The following SMOC2 variants were observed in gnomAD, a reference collection of about 807,000 sequenced individuals.
SMOC2 encodes SPARC related modular calcium binding 2.
In SMOC2, 39 loss-of-function variants were observed where a neutral mutation model predicts 61.4. That is an observed-to-expected ratio of 0.64 (90% CI 0.49 to 0.83). The LOEUF (loss-of-function observed/expected upper bound fraction) is 0.83, where lower values mean the gene tolerates loss of function less well. Among genes scored for constraint, SMOC2 ranks in the 40% least tolerant of loss-of-function variants. The probability of loss-of-function intolerance (pLI) is 0.00; values close to 1 mark genes in which losing one functional copy is unlikely to be tolerated. For synonymous variants in SMOC2, 247 were observed against 239.9 expected (o/e 1.03, Z -0.27); for missense variants, 556 against 592.9 (o/e 0.94, Z 0.65).
chr6:168,472,308 CT>C (rs1480766139), intron 1 of SMOC2, among the ~76,000 whole-genome samples: 3 of 150,990 alleles, frequency 2.0e-5, no homozygotes, highest in African/African-American at 7.3e-5. Flanking sequence ...GAGACTGTCC[CT>C]TCCCCCAGTG....
In SMOC2 at chr6:168,632,943, G is replaced by C. The variant is rs113937992; in HGVS notation, c.908-17738G>C. On this transcript the variant is annotated intron_variant, in intron 9 of 12. Coordinates refer to ENST00000356284, the MANE Select transcript of SMOC2 (RefSeq NM_001166412.2). The stretch of plus-strand genomic sequence containing the variant: ...CCCACCCACCATTCCTCTCAGGTCT[G>C]CAGGTGCAGAGCGGCTTCCCCCTTC... 6.5e-3 allele frequency among the ~76,000 whole-genome samples: 997 copies of C among 152,312 alleles called. 13 individuals carry two copies. Among genetic ancestry groups the C allele is most frequent in the African/African-American group, 0.023 (945 of 41,566 alleles).
At chr6:168,635,995 T>C (rs1194612373) in intron 9 of SMOC2, among the ~76,000 whole-genome samples, 1 of 152,198 alleles carries the variant, frequency 6.6e-6, no homozygotes, top group Non-Finnish European at 1.5e-5. Flanking sequence ...AATTAATTTA[T>C]ATCCTCCTAA....
rs1035623168 is a variant in SMOC2, at chr6:168,475,354, C to T, written c.84+33900C>T. Among the ~76,000 whole-genome samples the T allele has an allele frequency of 2.0e-5, 3 of 152,110 alleles. No individual in the cohort carries two copies. The highest frequency in any genetic ancestry group is 4.4e-5 in the Non-Finnish European group (3 of 68,008). On this transcript the variant is annotated intron_variant, in intron 1 of 12. Coordinates refer to ENST00000356284, the MANE Select transcript of SMOC2 (RefSeq NM_001166412.2). The surrounding 1 kb of genome is among the most constrained non-coding windows in gnomAD (Gnocchi z 4.6). The stretch of plus-strand genomic sequence containing the variant: ...AGATTAAATTCACTCTCATTTATTC[C>T]TGAAGCATTTGGAGAGCAGGTGCCA...
intron 2 of SMOC2, among the ~76,000 whole-genome samples, chr6:168,515,200 A>G (rs1309578206): frequency 4.6e-5 from 7 of 152,232 alleles, no homozygotes; most frequent in Non-Finnish European, 8.8e-5. Context: ...AGGGAGAAGT[A>G]GGCAAAAATA....
intron 2 of SMOC2, among the ~76,000 whole-genome samples, chr6:168,517,124 G>A (rs920924581): frequency 2.6e-5 from 4 of 152,210 alleles, no homozygotes; most frequent in African/African-American, 7.2e-5. Context: ...GTGACAAGGC[G>A]TTTCGTGTCA....
At chr6:168,539,567 C>T (rs942461568) in intron 4 of SMOC2, among the ~76,000 whole-genome samples, 3 of 152,242 alleles carry the variant, frequency 2.0e-5, no homozygotes, top group African/African-American at 4.8e-5. Context: ...ACAGCGGGCT[C>T]AGGCCTTCCA....
At chr6:168,591,426 G>A (rs562675762) in intron 7 of SMOC2, among the ~76,000 whole-genome samples, 1 of 152,170 alleles carries the variant, frequency 6.6e-6, no homozygotes, top group Non-Finnish European at 1.5e-5. Context: ...TACAGAATTA[G>A]TACATTTCCT....
At chr6:168,555,037 G>A (rs1784214532) in intron 7 of SMOC2, among the ~76,000 whole-genome samples, 3 of 151,088 alleles carry the variant, frequency 2.0e-5, no homozygotes, top group Admixed American at 6.6e-5. Flanking sequence ...AGTGGATTTC[G>A]CCAAGTGGGC....
At chr6:168,666,332 T>G in intron 12 of SMOC2, 89 bp from the exon 13 acceptor site, 1 of 1,522,390 alleles carries the variant, frequency 6.6e-7, no homozygotes, top group Non-Finnish European at 9.1e-7. Context: ...TTTGGTTCAG[T>G]TCATTCCCAG....
intron 7 of SMOC2, among the ~76,000 whole-genome samples, chr6:168,552,819 A>C (rs1583103518): frequency 3.4e-4 from 31 of 92,536 alleles, no homozygotes; most frequent in South Asian, 4.9e-4. Flanking sequence ...ATTGGCAAAG[A>C]CCCCCCCACC....
intron 9 of SMOC2, among the ~76,000 whole-genome samples, chr6:168,623,497 ATTTATTTATTTAT>A (rs997552064): frequency 2.0e-5 from 2 of 100,168 alleles, no homozygotes; most frequent in Non-Finnish European, 5.3e-5. Context: ...TTATTTATTT[ATTTATTTATTTAT>A]TTATTAGTAG....
At chr6:168,583,198 A>G (rs1237148291) in intron 7 of SMOC2, among the ~76,000 whole-genome samples, 1 of 152,246 alleles carries the variant, frequency 6.6e-6, no homozygotes. Flanking sequence ...ATCCAGGCAG[A>G]GCAGCTGAGG....
chr6:168,618,469 G>A (rs1382803809), intron 9 of SMOC2, among the ~76,000 whole-genome samples: 1 of 150,818 alleles, frequency 6.6e-6, no homozygotes, highest in African/African-American at 2.5e-5. Context: ...GAGTGGAGGA[G>A]AGGCGGGTAG....
rs144269635 is a variant in SMOC2, at chr6:168,443,639, G to A, written c.84+2185G>A. ...AGGCAGGCCTGAAATCTGACTGGTC[G>A]CTGGGAGATGTGAGATGTGCAGGAT... On this transcript the variant is annotated intron_variant, in intron 1 of 12. Transcript: ENST00000356284. Among the ~76,000 whole-genome samples, 34 of 152,332 alleles carry A rather than the reference G, an allele frequency of 2.2e-4. No individual in the cohort carries two copies. The East Asian group carries it at 6.2e-3, about 28-fold the overall frequency.
At chr6:168,455,414 C>T (rs1049525091) in intron 1 of SMOC2, among the ~76,000 whole-genome samples, 32 of 152,172 alleles carry the variant, frequency 2.1e-4, no homozygotes, top group Admixed American at 1.8e-3. Context: ...GACGCTGGCT[C>T]GGCAGCCACC....
At chr6:168,468,598 G>A (rs1261359957) in intron 1 of SMOC2, among the ~76,000 whole-genome samples, 1 of 152,184 alleles carries the variant, frequency 6.6e-6, no homozygotes, top group South Asian at 2.1e-4. Context: ...GCAGTGGCAC[G>A]AACTCTGCAC....
At chr6:168,564,826 C>T (rs1014373015) in intron 7 of SMOC2, among the ~76,000 whole-genome samples, 24 of 152,226 alleles carry the variant, frequency 1.6e-4, no homozygotes, top group Admixed American at 1.4e-3. Flanking sequence ...GGCAGCGGGT[C>T]TCACTGCTGT....
intron 9 of SMOC2, among the ~76,000 whole-genome samples, chr6:168,646,760 G>T (rs369603662): frequency 1.3e-5 from 2 of 152,162 alleles, no homozygotes; most frequent in Non-Finnish European, 2.9e-5. Context: ...AGGGCTCAGG[G>T]CTTTGTAAGG....
chr6:168,623,328 A>ATTTT (rs1786292041), intron 9 of SMOC2, among the ~76,000 whole-genome samples: 3 of 67,292 alleles, frequency 4.5e-5, no homozygotes, highest in African/African-American at 1.7e-4. Context: ...ATGGATAATT[A>ATTTT]ATTTTTTTTT....
Sources: gnomAD v4.1 joint callset for allele counts (sites outside exome capture counted in the v4.1 genomes callset) on GRCh38, gnomAD v4.1.1 for gene constraint, Gnocchi (gnomAD v3.1) non-coding constraint, MANE v1.5 for transcripts, NCBI Gene and HGNC (gene_info 2026-07-23, HGNC 2026-07-21) for gene names.